The following SLC24A2 variants were observed in gnomAD, a reference collection of about 807,000 sequenced individuals.
The protein encoded by SLC24A2 is sodium/potassium/calcium exchanger 2.
Under a neutral mutation model 62.0 loss-of-function variants are expected in SLC24A2, and 36 were observed. The ratio of observed to expected loss-of-function variants is 0.58; its 90% CI spans 0.44 to 0.77. The LOEUF is 0.77. SLC24A2 is among the 30% of genes least tolerant of loss of function. The probability of loss-of-function intolerance (pLI) is 0.00; values close to 1 mark genes in which losing one functional copy is unlikely to be tolerated. For synonymous variants in SLC24A2, 358 were observed against 294.0 expected (o/e 1.22, Z -2.23); for missense variants, 846 against 817.9 (o/e 1.03, Z -0.42).
chr9:20,229,240 G>A, the SLC24A2 span, among the ~76,000 whole-genome samples: 1 of 152,120 alleles, frequency 6.6e-6, no homozygotes, highest in African/African-American at 2.4e-5. Context: ...TGATGCCCAA[G>A]GTTCAAATCC....
the SLC24A2 span, among the ~76,000 whole-genome samples, chr9:20,094,724 T>G: frequency 6.6e-6 from 1 of 152,146 alleles, no homozygotes; most frequent in Non-Finnish European, 1.5e-5. Context: ...TAAAAAAAAT[T>G]TGTATAACTA....
At chr9:19,788,595 G>A in intron 1 of SLC24A2, 9 of 985,432 alleles carry the variant, frequency 9.1e-6, no homozygotes, top group Non-Finnish European at 1.1e-5. Flanking sequence ...TGAGTCGTTT[G>A]TAGGTGGCTG....
the SLC24A2 span, among the ~76,000 whole-genome samples, chr9:20,136,625 T>C: frequency 1.3e-5 from 2 of 152,274 alleles, no homozygotes; most frequent in African/African-American, 4.8e-5. Context: ...AAGGGAATCA[T>C]AAAGTTTGCA....
chr9:19,787,776 G>C (rs1823219653), intron 1 of SLC24A2, among the ~76,000 whole-genome samples: 1 of 152,116 alleles, frequency 6.6e-6, no homozygotes, highest in African/African-American at 2.4e-5. Flanking sequence ...AGGCAGCTTA[G>C]TAAGTCAAAG....
intron 2 of SLC24A2, among the ~76,000 whole-genome samples, chr9:19,779,362 A>G (rs1448693896): frequency 1.3e-5 from 2 of 152,244 alleles, no homozygotes. Context: ...GTAGTAAAGG[A>G]AAAAAGATAA....
intron 2 of SLC24A2, among the ~76,000 whole-genome samples, chr9:19,643,467 T>A (rs1818559935): frequency 6.6e-6 from 1 of 152,214 alleles, no homozygotes; most frequent in African/African-American, 2.4e-5. Flanking sequence ...GGCAGCAAAT[T>A]GAGCATAGAT....
chr9:19,709,090 C>T (rs1299940124), intron 2 of SLC24A2, among the ~76,000 whole-genome samples: 6 of 152,184 alleles, frequency 3.9e-5, no homozygotes, highest in East Asian at 1.9e-4. Flanking sequence ...AAAAAGGGGG[C>T]GAAGGATATG....
intron 10 of SLC24A2, among the ~76,000 whole-genome samples, chr9:19,517,844 T>G (rs1174197015): frequency 1.3e-5 from 2 of 151,328 alleles, no homozygotes; most frequent in Non-Finnish European, 2.9e-5. Context: ...TGACAGGGAC[T>G]TGGCCTGGGA....
intron 2 of SLC24A2, among the ~76,000 whole-genome samples, chr9:19,751,930 A>G (rs940654938): frequency 6.6e-6 from 1 of 152,246 alleles, no homozygotes. Context: ...CCTAATCTTC[A>G]AAGACAGAAT....
the SLC24A2 span, among the ~76,000 whole-genome samples, chr9:19,820,289 G>A: frequency 6.7e-6 from 1 of 149,768 alleles, no homozygotes; most frequent in South Asian, 2.1e-4. Context: ...TTGGGGGGAA[G>A]AGTGGGAGGG....
chr9:19,997,679 C>G, the SLC24A2 span, among the ~76,000 whole-genome samples: 3 of 152,204 alleles, frequency 2.0e-5, no homozygotes, highest in African/African-American at 4.8e-5. Context: ...AGGCGTACAA[C>G]AGCAGCTAGG....
the SLC24A2 span, among the ~76,000 whole-genome samples, chr9:20,096,867 G>A: frequency 5.3e-5 from 8 of 152,190 alleles, no homozygotes; most frequent in African/African-American, 1.7e-4. Flanking sequence ...GTTTGGTGAG[G>A]TAATTTTGGC....
chr9:19,616,942 A>G (rs888100287), intron 4 of SLC24A2, among the ~76,000 whole-genome samples: 7 of 152,146 alleles, frequency 4.6e-5, no homozygotes, highest in African/African-American at 7.2e-5. Flanking sequence ...AGAACAGCCT[A>G]TGGAAAAACC....
chr9:19,912,877 CAG>C, the SLC24A2 span, among the ~76,000 whole-genome samples: 6 of 152,228 alleles, frequency 3.9e-5, no homozygotes, highest in African/African-American at 1.4e-4. Context: ...GGTTGACATA[CAG>C]AAACATTATA....
the SLC24A2 span, among the ~76,000 whole-genome samples, chr9:20,307,867 T>A: frequency 6.6e-6 from 1 of 152,090 alleles, no homozygotes; most frequent in Admixed American, 6.5e-5. Flanking sequence ...GCTGCAGCAA[T>A]TGATTTGACT....
the SLC24A2 span, among the ~76,000 whole-genome samples, chr9:20,300,562 C>T: frequency 5.9e-5 from 9 of 152,242 alleles, no homozygotes; most frequent in East Asian, 1.5e-3. Context: ...TTTGAAACAT[C>T]CAGAATGTCT....
the SLC24A2 span, among the ~76,000 whole-genome samples, chr9:20,108,672 G>A: frequency 6.7e-6 from 1 of 150,236 alleles, no homozygotes; most frequent in Non-Finnish European, 1.5e-5. Flanking sequence ...CACAGGAAGG[G>A]GAACATCACA....
rs1381114869 is a variant in SLC24A2 at position 19,580,636 on chromosome 9, T to C, written c.1130-3614A>G. Among the ~76,000 whole-genome samples, 2 of 152,182 alleles carry C rather than the reference T, an allele frequency of 1.3e-5. 1 individual carries two copies. The highest frequency in any genetic ancestry group is 4.8e-5 in the African/African-American group (2 of 41,450). On this transcript the variant is annotated intron_variant, in intron 5 of 10. Coordinates refer to ENST00000341998, the MANE Select transcript of SLC24A2 (RefSeq NM_020344.4). ...AAACTGTGAAGAACAGCAAACAAGG[T>C]GTGTGTGTCGGGACAGCACAATTTC...
At chr9:19,630,825 T>C (rs1818158749) in intron 2 of SLC24A2, among the ~76,000 whole-genome samples, 1 of 152,308 alleles carries the variant, frequency 6.6e-6, no homozygotes, top group African/African-American at 2.4e-5. Context: ...ATATCAAGCA[T>C]ACAACACTTT....
Sources: allele counts gnomAD v4.1 joint callset (sites outside exome capture counted in the v4.1 genomes callset), GRCh38; gene constraint gnomAD v4.1.1; transcripts MANE v1.5; gene names NCBI Gene and HGNC (gene_info 2026-07-23, HGNC 2026-07-21).